The following SCUBE2 variants were observed in gnomAD, a reference collection of about 807,000 sequenced individuals.
The protein encoded by SCUBE2 is signal peptide, CUB and EGF-like domain-containing protein 2.
A neutral mutation model predicts 125.9 loss-of-function variants in SCUBE2; 114 were observed. That is an observed-to-expected ratio of 0.91 (90% CI 0.78 to 1.06). The LOEUF (loss-of-function observed/expected upper bound fraction) is 1.06, where lower values mean the gene tolerates loss of function less well. Among genes scored for constraint, SCUBE2 ranks in the 50% least tolerant of loss-of-function variants. The pLI, the probability that SCUBE2 is intolerant of heterozygous loss-of-function variation, is 0.00. For missense variants in SCUBE2, 1,255 were observed against 1,301.8 expected, an observed-to-expected ratio of 0.96 and a Z score of 0.55; for synonymous variants, 459 against 492.9, an observed-to-expected ratio of 0.93 and a Z score of 0.91.
intron 4 of SCUBE2, among the ~76,000 whole-genome samples, chr11:9,073,979 C>T (rs775380565): frequency 6.6e-6 from 1 of 152,138 alleles, no homozygotes; most frequent in Non-Finnish European, 1.5e-5. Context: ...AGGGAGGGAG[C>T]CCTTCTGCCC....
At position 9,074,477 on chromosome 11, in the gene SCUBE2, G is replaced by C. The variant is rs573365376; in HGVS notation, c.517+4C>G. The C allele has an allele frequency of 6.2e-7, 1 of 1,614,098 alleles. No individual in the cohort carries two copies. Among genetic ancestry groups the C allele is most frequent in the African/African-American group, 1.3e-5 (1 of 75,028 alleles). On this transcript the variant is annotated splice_donor_region_variant and intron_variant, in intron 4 of 22. Transcript: ENST00000649792. ...TGCCCCCATCCACAGCTGGGCAGAG[G>C]TACCTTCCGAGCGGTGAATGCAGGT... is the stretch of plus-strand genomic sequence containing the variant.
In SCUBE2 at chr11:9,066,838, T is replaced by A. The variant is rs754331482; in HGVS notation, c.644-25A>T. On this transcript the variant is annotated intron_variant, in intron 5 of 22. Coordinates refer to ENST00000649792, the MANE Select transcript of SCUBE2 (RefSeq NM_001367977.2). ...ACTGACAGCAAAATGAATCAATACA[T>A]AAAGCACTGAGATTTCCACAAACAC... 4 of 1,557,620 alleles carry A rather than the reference T, an allele frequency of 2.6e-6. No homozygotes were observed. In the East Asian group the frequency reaches 9.0e-5, roughly 35 times the overall value.
At chr11:9,074,991 G>A (rs1022614080) in intron 3 of SCUBE2, among the ~76,000 whole-genome samples, 7 of 152,074 alleles carry the variant, frequency 4.6e-5, no homozygotes, top group Admixed American at 2.0e-4. Flanking sequence ...TGAGGCAGGC[G>A]GATCACCTGA....
In SCUBE2 at chr11:9,091,294, C is replaced by G; in HGVS notation, c.133+102G>C. On this transcript the variant is annotated intron_variant, in intron 1 of 22. Transcript: ENST00000649792. This position sits in a 1 kb window ranked among gnomAD's most constrained non-coding sequence, Gnocchi z 8.5. ...GCCCCCGCGGAGCTGCAGCCGCCAG[C>G]CCCGAGCCCCGCGCGCCCGGCTCTG... 1 of 842,410 alleles carries G rather than the reference C, an allele frequency of 1.2e-6. No individual in the cohort carries two copies. Among genetic ancestry groups the G allele is most frequent in the Non-Finnish European group, 1.6e-6 (1 of 644,500 alleles). 52.2% of individuals were successfully genotyped at this position (842,410 alleles called of 1,614,324 possible).
At chr11:9,063,495 A>ACT (rs1013210738) in intron 7 of SCUBE2, among the ~76,000 whole-genome samples, 9 of 152,182 alleles carry the variant, frequency 5.9e-5, no homozygotes, top group Non-Finnish European at 1.3e-4. Context: ...TCTCAAAACA[A>ACT]CTCTGCATTC....
intron 20 of SCUBE2, chr11:9,026,423 CTTTGTTTGTTTGTTTG>C (rs146316603): frequency 2.6e-5 from 4 of 153,826 alleles, no homozygotes; most frequent in South Asian, 2.1e-4. Context: ...CATCATCATT[CTTTGTTTGTTTGTTTG>C]TTTGTTTGTT....
chr11:9,069,523 A>G, intron 4 of SCUBE2, 28 bp from the exon 5 acceptor site: 1 of 1,613,650 alleles, frequency 6.2e-7, no homozygotes, highest in Non-Finnish European at 8.5e-7. Context: ...GCGACAGGTG[A>G]CTAGGCTGTG....
rs1362049927 is a variant in SCUBE2 at position 9,020,383 on chromosome 11, T to A, written c.*662A>T. On this transcript the variant is annotated 3_prime_UTR_variant, in exon 23 of 23. Coordinates refer to ENST00000649792, the MANE Select transcript of SCUBE2 (RefSeq NM_001367977.2). ...GAGGAAGGCTGGCAATAAATGTACA[T>A]TATTATGTCTCCAGAAGTGCTTAGT... is the stretch of plus-strand genomic sequence containing the variant. The A allele has an allele frequency of 6.6e-6, 1 of 152,174 alleles. No individual in the cohort carries two copies. Among genetic ancestry groups the A allele is most frequent in the African/African-American group, 2.4e-5 (1 of 41,422 alleles). 9.4% of individuals were successfully genotyped at this position (152,174 alleles called of 1,614,324 possible). A position where few individuals can be genotyped will look rare whatever the true frequency, so the allele number is the denominator to read the frequency against.
chr11:9,053,235 CACTT>C lies in SCUBE2; in HGVS notation c.1331-24_1331-21del, dbSNP rs1486588135. 14 of 1,589,554 alleles carry C rather than the reference CACTT, an allele frequency of 8.8e-6. No homozygotes were observed. Among genetic ancestry groups the C allele is most frequent in the African/African-American group, 1.3e-5 (1 of 74,388 alleles). On this transcript the variant is annotated intron_variant, in intron 11 of 22. Transcript: ENST00000649792. ...TCACTTCTAGACAGGACAAAACAGACACTTACAGAAAGAGAAGGACATTTCCAAG... is the reference window on the plus strand; with the variant it reads ...TCACTTCTAGACAGGACAAAACAGACACAGAAAGAGAAGGACATTTCCAAG...
intron 2 of SCUBE2, among the ~76,000 whole-genome samples, chr11:9,082,887 T>C (rs1239385143): frequency 6.6e-6 from 1 of 152,200 alleles, no homozygotes; most frequent in Admixed American, 6.5e-5. Flanking sequence ...GTTTGTATTG[T>C]GATGGTTGCA....
chr11:9,084,947 A>G (rs1434693479), intron 2 of SCUBE2, among the ~76,000 whole-genome samples: 1 of 152,074 alleles, frequency 6.6e-6, no homozygotes, highest in African/African-American at 2.4e-5. Flanking sequence ...GCATCTCACT[A>G]TGTTGCCCAG....
intron 1 of SCUBE2, among the ~76,000 whole-genome samples, chr11:9,090,633 C>G (rs1007451480): frequency 6.6e-6 from 1 of 151,946 alleles, no homozygotes; most frequent in Non-Finnish European, 1.5e-5. Context: ...GCCCCGGGAT[C>G]GGAGCAGATG....
intron 9 of SCUBE2, among the ~76,000 whole-genome samples, chr11:9,056,148 A>C (rs144044619): frequency 6.6e-6 from 1 of 152,214 alleles, no homozygotes; most frequent in Non-Finnish European, 1.5e-5. Flanking sequence ...CACTTCCCTC[A>C]AAACTCAGTT....
chr11:9,061,891 G>A (rs920344858), intron 7 of SCUBE2, among the ~76,000 whole-genome samples: 1 of 152,202 alleles, frequency 6.6e-6, no homozygotes, highest in African/African-American at 2.4e-5. Flanking sequence ...GAAAGACTCA[G>A]GAATTGGAGG....
At chr11:9,032,559 C>T (rs1299480538) in intron 17 of SCUBE2, among the ~76,000 whole-genome samples, 1 of 152,134 alleles carries the variant, frequency 6.6e-6, no homozygotes, top group Non-Finnish European at 1.5e-5. Flanking sequence ...CATAGCGAAA[C>T]CCCATCTCTG....
intron 10 of SCUBE2, among the ~76,000 whole-genome samples, chr11:9,054,092 C>G (rs906722309): frequency 6.7e-6 from 1 of 148,532 alleles, no homozygotes; most frequent in South Asian, 2.1e-4. Flanking sequence ...CGTCTCCCAG[C>G]TTCAAGCAAT....
At chr11:9,047,288 T>C in intron 16 of SCUBE2, 68 bp downstream of exon 16, 2 of 1,549,290 alleles carry the variant, frequency 1.3e-6, no homozygotes, top group Non-Finnish European at 1.8e-6. Flanking sequence ...CAGACTTGCC[T>C]TCGGTTACCC....
In SCUBE2 at chr11:9,026,159, T is replaced by A. The variant is rs968311117; in HGVS notation, c.2702-305A>T. ...CCATTCCAGAACTGACCTGCTGTCA[T>A]CTAATTGTCATCACCACCATTTGCT... is the stretch of plus-strand genomic sequence containing the variant. On this transcript the variant is annotated intron_variant, in intron 20 of 22. Coordinates refer to ENST00000649792, the MANE Select transcript of SCUBE2 (RefSeq NM_001367977.2). The A allele has an allele frequency of 7.5e-5, 17 of 227,110 alleles. 1 individual carries two copies. The East Asian group carries it at 1.6e-3, about 21-fold the overall frequency. The allele number at this position is 227,110 out of a possible 1,614,324, so 14.1% of individuals were successfully genotyped here.
At chr11:9,028,414 C>A (rs1589998004) in intron 19 of SCUBE2, among the ~76,000 whole-genome samples, 1 of 152,302 alleles carries the variant, frequency 6.6e-6, no homozygotes, top group East Asian at 1.9e-4. Flanking sequence ...CTACGTCTGG[C>A]ACCAAAGACA....
Sources: allele counts gnomAD v4.1 joint callset (sites outside exome capture counted in the v4.1 genomes callset), GRCh38; gene constraint gnomAD v4.1.1; non-coding constraint Gnocchi (gnomAD v3.1); transcripts MANE v1.5; gene names NCBI Gene and HGNC (gene_info 2026-07-23, HGNC 2026-07-21).